Variants in CCSER1 observed in about 807,000 individuals in gnomAD.
CCSER1 encodes serine-rich coiled-coil domain-containing protein 1.
CCSER1 carries 41 observed loss-of-function variants against 82.0 expected under a neutral mutation model. That is an observed-to-expected ratio of 0.50 (90% confidence interval 0.39 to 0.65). The LOEUF (loss-of-function observed/expected upper bound fraction) is 0.65, where lower values mean the gene tolerates loss of function less well. Among genes scored for constraint, CCSER1 ranks in the 30% least tolerant of loss-of-function variants. CCSER1 has a pLI of 0.00. For missense variants in CCSER1, 1,119 were observed against 1,064.2 expected, an observed-to-expected ratio of 1.05 and a Z score of -0.72; for synonymous variants, 414 against 383.9, an observed-to-expected ratio of 1.08 and a Z score of -0.92.
chr4:90,301,326 G>A (rs963627910), intron 1 of CCSER1, among the ~76,000 whole-genome samples: 1 of 152,102 alleles, frequency 6.6e-6, no homozygotes, highest in East Asian at 1.9e-4. Flanking sequence ...GTGGTACTCT[G>A]TTCAGGGTAA....
At chr4:90,921,880 A>G (rs913613696) in intron 8 of CCSER1, among the ~76,000 whole-genome samples, 2 of 152,080 alleles carry the variant, frequency 1.3e-5, no homozygotes, top group African/African-American at 4.8e-5. Flanking sequence ...ATGATGGACA[A>G]TGTTATTGCT....
At chr4:90,412,725 G>A (rs944823509) in intron 4 of CCSER1, among the ~76,000 whole-genome samples, 1 of 152,050 alleles carries the variant, frequency 6.6e-6, no homozygotes, top group Non-Finnish European at 1.5e-5. Flanking sequence ...GATTAAAATC[G>A]TCAGCAAAAT....
intron 10 of CCSER1, among the ~76,000 whole-genome samples, chr4:91,100,901 G>A (rs1724994181): frequency 6.6e-6 from 1 of 152,010 alleles, no homozygotes; most frequent in South Asian, 2.1e-4. Flanking sequence ...TGTCTCAAAT[G>A]GGGAAAAAAA....
At chr4:90,353,777 A>G (rs189785695) in intron 3 of CCSER1, among the ~76,000 whole-genome samples, 110 of 152,352 alleles carry the variant, frequency 7.2e-4, no homozygotes, top group African/African-American at 2.1e-3. Flanking sequence ...GCTTCCTTCT[A>G]CAATGAATAG....
chr4:90,752,526 A>G (rs1351597927), intron 7 of CCSER1, among the ~76,000 whole-genome samples: 1 of 152,006 alleles, frequency 6.6e-6, no homozygotes, highest in Non-Finnish European at 1.5e-5. Context: ...TATTATTACA[A>G]ATTTTGGTGC....
intron 10 of CCSER1, among the ~76,000 whole-genome samples, chr4:91,146,184 T>C (rs987605465): frequency 6.6e-6 from 1 of 152,212 alleles, no homozygotes; most frequent in Non-Finnish European, 1.5e-5. Context: ...TTTGAGTTCT[T>C]AAATTCTTTC....
intron 9 of CCSER1, among the ~76,000 whole-genome samples, chr4:91,030,155 T>C (rs1740845912): frequency 6.6e-6 from 1 of 151,926 alleles, no homozygotes; most frequent in Non-Finnish European, 1.5e-5. Flanking sequence ...ACATAGAAAA[T>C]TGCAGAATTG....
At chr4:90,902,329 G>T (rs1218640247) in intron 8 of CCSER1, among the ~76,000 whole-genome samples, 1 of 151,882 alleles carries the variant, frequency 6.6e-6, no homozygotes, top group African/African-American at 2.4e-5. Context: ...TTGCTAGATA[G>T]CTAGTATGAT....
rs556842586 is a variant in CCSER1 at position 91,131,838 on chromosome 4, G to A, written c.2217+45844G>A. 3.3e-5 allele frequency among the ~76,000 whole-genome samples: 5 copies of A among 152,082 alleles called. No homozygotes were observed. The South Asian group carries it at 1.0e-3, about 32-fold the overall frequency. On this transcript the variant is annotated intron_variant, in intron 10 of 10. Transcript: ENST00000509176. ...CTGGGGAGAACAATGGGGTGAAATA[G>A]TGAAAGGCACGTGACACGGAGTTTG...
chr4:90,365,602 A>G (rs1293165879), intron 3 of CCSER1, among the ~76,000 whole-genome samples: 1 of 151,770 alleles, frequency 6.6e-6, no homozygotes, highest in Non-Finnish European at 1.5e-5. Flanking sequence ...TTAATAGGTA[A>G]ACACTGGATA....
At chr4:90,386,234 A>G (rs971503992) in intron 3 of CCSER1, among the ~76,000 whole-genome samples, 3 of 152,248 alleles carry the variant, frequency 2.0e-5, no homozygotes, top group African/African-American at 4.8e-5. Flanking sequence ...ATCTGGAGGC[A>G]TCGCATTACC....
chr4:91,063,789 A>G (rs1744146157), intron 9 of CCSER1, among the ~76,000 whole-genome samples: 1 of 152,140 alleles, frequency 6.6e-6, no homozygotes, highest in Non-Finnish European at 1.5e-5. Flanking sequence ...ATTTCGCACA[A>G]TTGAATTTAC....
intron 1 of CCSER1, among the ~76,000 whole-genome samples, chr4:90,218,509 T>C (rs757035644): frequency 5.9e-5 from 9 of 152,184 alleles, no homozygotes; most frequent in Non-Finnish European, 1.2e-4. Context: ...TTAAAAAAGT[T>C]GTAAAACTCA....
chr4:90,289,336 A>G (rs1018126011), intron 1 of CCSER1, among the ~76,000 whole-genome samples: 1 of 151,946 alleles, frequency 6.6e-6, no homozygotes, highest in Non-Finnish European at 1.5e-5. Context: ...GTTAACTTTT[A>G]GGTCTTCTAG....
At chr4:90,547,396 A>T (rs1312275438) in intron 5 of CCSER1, among the ~76,000 whole-genome samples, 1 of 152,044 alleles carries the variant, frequency 6.6e-6, no homozygotes, top group Non-Finnish European at 1.5e-5. Context: ...TGTATCCAGG[A>T]AAACATCATT....
At chr4:91,121,195 G>A (rs957018156) in intron 10 of CCSER1, among the ~76,000 whole-genome samples, 4 of 150,442 alleles carry the variant, frequency 2.7e-5, no homozygotes, top group African/African-American at 4.9e-5. Flanking sequence ...TTATATTGTC[G>A]TTGAACTCAG....
intron 1 of CCSER1, among the ~76,000 whole-genome samples, chr4:90,284,419 T>C (rs1269709293): frequency 6.6e-6 from 1 of 152,070 alleles, no homozygotes; most frequent in Admixed American, 6.6e-5. Context: ...ATGTCCTGGA[T>C]TGTTTCCCCA....
intron 3 of CCSER1, among the ~76,000 whole-genome samples, chr4:90,332,841 C>T (rs1161258336): frequency 2.0e-5 from 3 of 152,052 alleles, no homozygotes; most frequent in Non-Finnish European, 4.4e-5. Context: ...TTAACCTTGC[C>T]ACAGTATTTT....
rs188248465 is a variant in CCSER1, at chr4:90,890,340, G to T, written c.2095-33030G>T. On this transcript the variant is annotated intron_variant, in intron 8 of 10. Coordinates refer to ENST00000509176, the MANE Select transcript of CCSER1 (RefSeq NM_001145065.2). ...AGGATTAGACTCTAAACTCCTATCC[G>T]GATAAATTGTAGCAGATGCTACTGG... 4.1e-4 allele frequency among the ~76,000 whole-genome samples: 62 copies of T among 152,140 alleles called. No individual in the cohort carries two copies. In the East Asian group the frequency reaches 0.011, roughly 28 times the overall value.
Sources: allele counts gnomAD v4.1 joint callset (sites outside exome capture counted in the v4.1 genomes callset), GRCh38; gene constraint gnomAD v4.1.1; transcripts MANE v1.5; gene names NCBI Gene and HGNC (gene_info 2026-07-23, HGNC 2026-07-21).